Variants in AGBL1 observed in about 807,000 individuals in gnomAD.
AGBL1 encodes AGBL carboxypeptidase 1.
AGBL1 carries 130 observed loss-of-function variants against 118.9 expected under a neutral mutation model. That is an observed-to-expected ratio of 1.09 (90% CI 0.95 to 1.26). The LOEUF is 1.26. Ranked by LOEUF, AGBL1 falls within the 50% of genes most tolerant of loss-of-function variation. AGBL1 has a pLI of 0.00. For synonymous variants in AGBL1, 555 were observed against 478.9 expected (o/e 1.16, Z -2.08); for missense variants, 1,584 against 1,298.1 (o/e 1.22, Z -3.38).
chr15:86,509,365 C>T (rs2083025025), intron 18 of AGBL1, among the ~76,000 whole-genome samples: 1 of 151,988 alleles, frequency 6.6e-6, no homozygotes, highest in Admixed American at 6.6e-5. Context: ...CACATAGTGG[C>T]CTGGGAACAA....
intron 17 of AGBL1, among the ~76,000 whole-genome samples, chr15:86,396,147 G>GTA (rs67895355): frequency 3.5e-4 from 50 of 144,554 alleles, no homozygotes; most frequent in South Asian, 1.9e-3. Context: ...ATATATATGT[G>GTA]TATATATATA....
At chr15:86,389,447 T>A (rs2081245514) in intron 17 of AGBL1, among the ~76,000 whole-genome samples, 1 of 152,088 alleles carries the variant, frequency 6.6e-6, no homozygotes, top group Admixed American at 6.5e-5. Flanking sequence ...AAACTGAGGA[T>A]AAAATGAGTT....
At chr15:86,924,771 G>T (rs531703477) in intron 23 of AGBL1, among the ~76,000 whole-genome samples, 134 of 151,952 alleles carry the variant, frequency 8.8e-4, no homozygotes, top group Non-Finnish European at 1.3e-3. Flanking sequence ...CTCAAACTTT[G>T]GCCACATAAA....
chr15:86,084,398 C>G lies in AGBL1; in HGVS notation c.51+4375C>G, dbSNP rs144098219. 1.6e-3 allele frequency among the ~76,000 whole-genome samples: 239 copies of G among 152,242 alleles called. 2 individuals carry two copies. The highest frequency in any genetic ancestry group is 5.4e-3 in the African/African-American group (226 of 41,558). On this transcript the variant is annotated intron_variant, in intron 1 of 22. Transcript: ENST00000614907. The stretch of plus-strand genomic sequence containing the variant: ...TTTACCTCCACTACTTAACTTTCCT[C>G]TCTCTGCCACCTGTGAGGAAGATGT...
intron 18 of AGBL1, among the ~76,000 whole-genome samples, chr15:86,413,664 A>C (rs917105099): frequency 1.3e-5 from 2 of 152,072 alleles, no homozygotes; most frequent in Non-Finnish European, 1.5e-5. Context: ...GGACATTTGT[A>C]TATCTTCTTT....
chr15:86,284,951 A>G (rs1404503421), intron 16 of AGBL1, among the ~76,000 whole-genome samples: 2 of 152,058 alleles, frequency 1.3e-5, no homozygotes, highest in Non-Finnish European at 2.9e-5. Flanking sequence ...CAATTGCCTT[A>G]AACTCATTCA....
intron 5 of AGBL1, among the ~76,000 whole-genome samples, chr15:86,185,756 T>TG (rs1299604265): frequency 2.0e-4 from 8 of 39,868 alleles, no homozygotes; most frequent in African/African-American, 8.3e-4. Context: ...GGGCCTGTCG[T>TG]GGGGTGGGGG....
chr15:86,337,326 A>G (rs1028129837), intron 17 of AGBL1, among the ~76,000 whole-genome samples: 2 of 151,480 alleles, frequency 1.3e-5, no homozygotes, highest in East Asian at 1.9e-4. Context: ...GCTTTTTTAT[A>G]TTAGTTCTAG....
intron 21 of AGBL1, among the ~76,000 whole-genome samples, chr15:86,667,995 G>C (rs2085677128): frequency 6.6e-6 from 1 of 152,190 alleles, no homozygotes; most frequent in African/African-American, 2.4e-5. Flanking sequence ...TCATGGCAGA[G>C]GTGAAGCGGG....
intron 24 of AGBL1, among the ~76,000 whole-genome samples, chr15:86,989,417 G>A (rs1365457352): frequency 6.6e-6 from 1 of 151,996 alleles, no homozygotes; most frequent in Non-Finnish European, 1.5e-5. Flanking sequence ...GTATGATAAG[G>A]ATTTTATTAT....
intron 18 of AGBL1, among the ~76,000 whole-genome samples, chr15:86,397,849 G>A (rs1213756421): frequency 6.6e-6 from 1 of 152,006 alleles, no homozygotes; most frequent in Non-Finnish European, 1.5e-5. Flanking sequence ...AAAATAGGAA[G>A]CTATAGAATC....
At chr15:86,775,600 A>G (rs2078243824) in intron 22 of AGBL1, among the ~76,000 whole-genome samples, 2 of 152,118 alleles carry the variant, frequency 1.3e-5, no homozygotes, top group African/African-American at 2.4e-5. Flanking sequence ...GGTGGCTAAC[A>G]TGAAAAAGAC....
chr15:86,803,311 TC>T (rs1406387741), intron 22 of AGBL1, among the ~76,000 whole-genome samples: 1 of 152,158 alleles, frequency 6.6e-6, no homozygotes, highest in East Asian at 1.9e-4. Flanking sequence ...TTGCTCATGC[TC>T]TTCTCTCTCC....
intron 18 of AGBL1, among the ~76,000 whole-genome samples, chr15:86,498,953 G>T (rs2082886214): frequency 6.6e-6 from 1 of 151,890 alleles, no homozygotes; most frequent in Non-Finnish European, 1.5e-5. Flanking sequence ...TTTTTGAAGA[G>T]AAATAGAAAA....
chr15:86,088,072 G>C (rs1297195619), intron 1 of AGBL1: 1 of 152,280 alleles, frequency 6.6e-6, no homozygotes, highest in East Asian at 1.9e-4. Flanking sequence ...ACTCAACCCT[G>C]CCACTGCAGC....
Position 86,405,839 on chromosome 15 carries a change from A to C in AGBL1, c.2555+8293A>C, listed in dbSNP as rs1475587817. 2.0e-5 allele frequency among the ~76,000 whole-genome samples: 3 copies of C among 152,194 alleles called. No homozygotes were observed. In the East Asian group the frequency reaches 5.8e-4, roughly 29 times the overall value. On this transcript the variant is annotated intron_variant, in intron 18 of 22. Coordinates refer to ENST00000614907, the MANE Select transcript of AGBL1 (RefSeq NM_001386094.1). ...TAAGTTCAAAAGGAGATGCTAAAAA[A>C]AAAAAAGATTAAGAACTGTAGAGGC...
At chr15:86,336,640 C>T (rs2080373661) in intron 17 of AGBL1, among the ~76,000 whole-genome samples, 1 of 152,170 alleles carries the variant, frequency 6.6e-6, no homozygotes, top group African/African-American at 2.4e-5. Context: ...ATTGGCTGGA[C>T]ACTTTCCAGC....
intron 22 of AGBL1, among the ~76,000 whole-genome samples, chr15:86,731,294 C>T (rs1267633368): frequency 6.6e-6 from 1 of 152,138 alleles, no homozygotes; most frequent in Non-Finnish European, 1.5e-5. Flanking sequence ...GAAAGTCTCT[C>T]GAGACTAACT....
chr15:86,779,307 C>A (rs996956101), intron 22 of AGBL1, among the ~76,000 whole-genome samples: 1 of 152,232 alleles, frequency 6.6e-6, no homozygotes, highest in African/African-American at 2.4e-5. Context: ...TCTTGAACTT[C>A]TCAGTCCCCA....
Sources: allele counts gnomAD v4.1 joint callset (sites outside exome capture counted in the v4.1 genomes callset), GRCh38; gene constraint gnomAD v4.1.1; transcripts MANE v1.5; gene names NCBI Gene and HGNC (gene_info 2026-07-23, HGNC 2026-07-21).